ELP4: variants seen among roughly 807,000 people sequenced by gnomAD.
The protein encoded by ELP4 is elongator acetyltransferase complex subunit 4.
A neutral mutation model predicts 48.9 loss-of-function variants in ELP4; 51 were observed. The observed-to-expected ratio is 1.04, with a 90% CI of 0.83 to 1.32. The LOEUF (loss-of-function observed/expected upper bound fraction) is 1.32. Among genes scored for constraint, ELP4 ranks in the 40% most tolerant of loss-of-function variants. The probability of loss-of-function intolerance (pLI) is 0.00; values close to 1 mark genes in which losing one functional copy is unlikely to be tolerated. For missense variants in ELP4, 519 were observed against 514.6 expected (o/e 1.01, Z -0.08); for synonymous variants, 210 against 189.2 (o/e 1.11, Z -0.90).
At chr11:31,549,810 A>G (rs1464440222) in intron 3 of ELP4, among the ~76,000 whole-genome samples, 1 of 152,386 alleles carries the variant, frequency 6.6e-6, no homozygotes, top group East Asian at 1.9e-4. Flanking sequence ...TGCAGCCACA[A>G]AAAATGATGA....
chr11:31,725,999 T>C (rs763849261), intron 9 of ELP4, among the ~76,000 whole-genome samples: 11 of 152,212 alleles, frequency 7.2e-5, no homozygotes, highest in African/African-American at 1.2e-4. Flanking sequence ...CAGAAAAGGC[T>C]AAGATTCTAA....
At chr11:31,758,996 T>C (rs936200984) in intron 9 of ELP4, among the ~76,000 whole-genome samples, 1 of 152,342 alleles carries the variant, frequency 6.6e-6, no homozygotes, top group African/African-American at 2.4e-5. Flanking sequence ...GTAATATATC[T>C]AGTTGTTTTC....
intron 3 of ELP4, among the ~76,000 whole-genome samples, chr11:31,586,111 A>G (rs1035663270): frequency 6.6e-6 from 1 of 152,206 alleles, no homozygotes; most frequent in African/African-American, 2.4e-5. Flanking sequence ...TGTATTGGAC[A>G]GTGCAGGTAT....
chr11:31,581,106 G>C (rs1018000990), intron 3 of ELP4, among the ~76,000 whole-genome samples: 14 of 152,076 alleles, frequency 9.2e-5, no homozygotes, highest in African/African-American at 2.7e-4. Context: ...TTCCACTAAA[G>C]TTTTCAAACT....
At chr11:31,655,502 C>A (rs1307531638) in intron 9 of ELP4, among the ~76,000 whole-genome samples, 4 of 151,984 alleles carry the variant, frequency 2.6e-5, no homozygotes, top group African/African-American at 9.7e-5. Flanking sequence ...TTGATTAGAT[C>A]TGACACCATC....
At chr11:31,741,448 C>T (rs909482828) in intron 9 of ELP4, among the ~76,000 whole-genome samples, 5 of 152,242 alleles carry the variant, frequency 3.3e-5, no homozygotes, top group African/African-American at 4.8e-5. Context: ...AGACTGCCTC[C>T]TCAAGTGGGT....
At chr11:31,778,874 T>C (rs76387185) in intron 9 of ELP4, among the ~76,000 whole-genome samples, 3,307 of 152,304 alleles carry the variant, frequency 0.022, 115 homozygotes, top group African/African-American at 0.075. Context: ...TTGAGACAGT[T>C]ACTAAAGTTT....
chr11:31,705,580 A>G (rs1419675043), intron 9 of ELP4, among the ~76,000 whole-genome samples: 1 of 152,202 alleles, frequency 6.6e-6, no homozygotes, highest in Non-Finnish European at 1.5e-5. Flanking sequence ...TGACATGTTA[A>G]TTATTCAAAA....
rs373712097 is a variant in ELP4, at chr11:31,774,479, G to T, written c.1144-8914G>T. ...GCCAAATTGTTAGTCAGTTTAGCTT[G>T]TGGGCTGCAGGTAGTCCCTTCCATC... On this transcript the variant is annotated intron_variant, in intron 9 of 9. Transcript: ENST00000640961. Among the ~76,000 whole-genome samples the T allele has an allele frequency of 4.6e-5, 7 of 152,334 alleles. No individual in the cohort carries two copies. In the East Asian group the frequency reaches 1.4e-3, roughly 29 times the overall value.
At chr11:31,775,021 GCACCTACCCT>G (rs1463067322) in intron 9 of ELP4, among the ~76,000 whole-genome samples, 3 of 152,126 alleles carry the variant, frequency 2.0e-5, no homozygotes, top group Non-Finnish European at 2.9e-5. Flanking sequence ...GACTGTGTTA[GCACCTACCCT>G]GAAGTCCACA....
chr11:31,699,422 A>G (rs1293738786), intron 9 of ELP4, among the ~76,000 whole-genome samples: 1 of 152,236 alleles, frequency 6.6e-6, no homozygotes, highest in Non-Finnish European at 1.5e-5. Flanking sequence ...ATGGAAATTC[A>G]TGAGCCCATA....
chr11:31,540,383 A>G (rs1167024956), intron 3 of ELP4, among the ~76,000 whole-genome samples: 1 of 152,256 alleles, frequency 6.6e-6, no homozygotes, highest in Non-Finnish European at 1.5e-5. Context: ...ATTGGCTGAT[A>G]AGAATTTTAA....
chr11:31,567,296 A>T (rs773960282), intron 3 of ELP4, among the ~76,000 whole-genome samples: 29 of 152,232 alleles, frequency 1.9e-4, no homozygotes, highest in Non-Finnish European at 4.1e-4. Context: ...ATTGACATCC[A>T]TCCTGCAATT....
chr11:31,650,925 TTA>T (rs1051022550), intron 9 of ELP4: 2 of 151,840 alleles, frequency 1.3e-5, no homozygotes, highest in African/African-American at 4.8e-5. Flanking sequence ...CAATTTTTTT[TTA>T]ACAAAGACAT....
intron 9 of ELP4, among the ~76,000 whole-genome samples, chr11:31,684,181 A>G (rs1946114144): frequency 6.6e-6 from 1 of 152,024 alleles, no homozygotes; most frequent in South Asian, 2.1e-4. Flanking sequence ...AATTTTTGTT[A>G]AATAAAAAAA....
intron 9 of ELP4, among the ~76,000 whole-genome samples, chr11:31,759,891 GAGACAGGGTTTCACTTGGCC>G (rs1947910066): frequency 6.6e-6 from 1 of 151,988 alleles, no homozygotes; most frequent in African/African-American, 2.4e-5. Flanking sequence ...ATTTTTAGCA[GAGACAGGGTTTCACTTGGCC>G]AGGGTAGTCT....
chr11:31,610,506 G>T (rs1957958891), intron 5 of ELP4, among the ~76,000 whole-genome samples: 1 of 152,060 alleles, frequency 6.6e-6, no homozygotes, highest in Non-Finnish European at 1.5e-5. Context: ...TTCAACCCTT[G>T]CCTCCCTTCC....
rs1370412308 is a variant in ELP4, at chr11:31,788,030, T to A, written c.*4506T>A. 1 of 222,474 alleles carries A rather than the reference T, an allele frequency of 4.5e-6. No individual in the cohort carries two copies. The highest frequency in any genetic ancestry group is 5.7e-5 in the Admixed American group (1 of 17,430). The allele number at this position is 222,474 out of a possible 1,614,324, so 13.8% of individuals were successfully genotyped here. A position where few individuals can be genotyped will look rare whatever the true frequency, so the allele number is the denominator to read the frequency against. ...TTTAGTGAAGTTTGCAGAGGAAGAC[T>A]TATCTGTATTGACTTATATGTTGCA... is the stretch of plus-strand genomic sequence containing the variant. On this transcript the variant is annotated 3_prime_UTR_variant, in exon 10 of 10. Coordinates refer to ENST00000640961, the MANE Select transcript of ELP4 (RefSeq NM_019040.5).
intron 9 of ELP4, among the ~76,000 whole-genome samples, chr11:31,695,157 C>T (rs1381942563): frequency 5.3e-5 from 8 of 152,108 alleles, no homozygotes; most frequent in Admixed American, 3.9e-4. Flanking sequence ...TTTCTTTCTC[C>T]TGCCTGATTG....
Sources: allele counts gnomAD v4.1 joint callset (sites outside exome capture counted in the v4.1 genomes callset), GRCh38; gene constraint gnomAD v4.1.1; transcripts MANE v1.5; gene names NCBI Gene and HGNC (gene_info 2026-07-23, HGNC 2026-07-21).